The following STAU2 variants were observed in gnomAD, a reference collection of about 807,000 sequenced individuals.
STAU2 encodes the protein staufen double-stranded RNA binding protein 2.
A neutral mutation model predicts 65.9 loss-of-function variants in STAU2; 20 were observed. The observed-to-expected ratio is 0.30, with a 90% confidence interval of 0.21 to 0.44. The LOEUF (loss-of-function observed/expected upper bound fraction) is 0.44. STAU2 is among the 20% of genes least tolerant of loss of function. The pLI is 1.00. For missense variants in STAU2, 558 were observed against 683.9 expected (o/e 0.82, Z 2.05); for synonymous variants, 232 against 233.9 (o/e 0.99, Z 0.07).
chr8:73,686,136 C>T (rs185751517), intron 5 of STAU2, among the ~76,000 whole-genome samples: 23 of 152,248 alleles, frequency 1.5e-4, no homozygotes, highest in Non-Finnish European at 2.1e-4. Flanking sequence ...TACAATGGGC[C>T]GGGCGCGGTG....
chr8:73,673,450 T>C (rs1236553968), intron 5 of STAU2, among the ~76,000 whole-genome samples: 3 of 152,262 alleles, frequency 2.0e-5, no homozygotes, highest in African/African-American at 7.2e-5. Context: ...ATGTTTTCTG[T>C]ACATTAATGA....
At chr8:73,644,156 A>G (rs6991064) in intron 6 of STAU2, among the ~76,000 whole-genome samples, 2,295 of 152,340 alleles carry the variant, frequency 0.015, 51 homozygotes, top group African/African-American at 0.05. Flanking sequence ...ATCTCCAAAC[A>G]CTTGGAAACT....
rs544865011 is a variant in STAU2, at chr8:73,740,327, A to C, written c.-196-459T>G. Among the ~76,000 whole-genome samples, 8 of 152,342 alleles carry C rather than the reference A, an allele frequency of 5.3e-5. No individual in the cohort carries two copies. The South Asian group carries it at 1.7e-3, about 32-fold the overall frequency. On this transcript the variant is annotated intron_variant, in intron 1 of 14. Coordinates refer to ENST00000524300, the MANE Select transcript of STAU2 (RefSeq NM_001164380.2). ...ACAATAAATAAGACTATCCTGTCCA[A>C]CTCTATAATTCAATATTCCCATGGT...
chr8:73,687,804 C>T lies in STAU2; in HGVS notation c.274+850G>A, dbSNP rs373203167. ...TTGGCTCACTGCAACCTCTGCCTCCCGGGTTCACGCCATTCTCCTGCCTCG... is the reference window on the plus strand; with the variant it reads ...TTGGCTCACTGCAACCTCTGCCTCCTGGGTTCACGCCATTCTCCTGCCTCG... On this transcript the variant is annotated intron_variant, in intron 5 of 14. Coordinates refer to ENST00000524300, the MANE Select transcript of STAU2 (RefSeq NM_001164380.2). Among the ~76,000 whole-genome samples the T allele has an allele frequency of 8.9e-4, 135 of 151,936 alleles. No homozygotes were observed. In the East Asian group the frequency reaches 0.011, roughly 13 times the overall value.
At chr8:73,662,491 G>A (rs77565873) in intron 6 of STAU2, among the ~76,000 whole-genome samples, 28,866 of 151,986 alleles carry the variant, frequency 0.19, 2,944 homozygotes, top group East Asian at 0.36. Context: ...TATTTCCAAA[G>A]TAGCAAAGTA....
In STAU2 at chr8:73,420,837, T is replaced by C. The variant is rs1816333250; in HGVS notation, c.*535A>G. 6.4e-6 allele frequency: 1 copy of C among 155,368 alleles called. No homozygotes were observed. Among genetic ancestry groups the C allele is most frequent in the Non-Finnish European group, 1.4e-5 (1 of 70,074 alleles). The allele number at this position is 155,368 out of a possible 1,614,324, so 9.6% of individuals were successfully genotyped here. A position where few individuals can be genotyped will look rare whatever the true frequency, so the allele number is the denominator to read the frequency against. On this transcript the variant is annotated 3_prime_UTR_variant, in exon 15 of 15. Coordinates refer to ENST00000524300, the MANE Select transcript of STAU2 (RefSeq NM_001164380.2). The stretch of plus-strand genomic sequence containing the variant: ...TTGTAGTGCACCTTATAGTTATTCC[T>C]ACTGATATAGGATGAAGATTATAAA...
At chr8:73,429,361 C>A (rs1302922729) in intron 13 of STAU2, among the ~76,000 whole-genome samples, 1 of 139,814 alleles carries the variant, frequency 7.2e-6, no homozygotes, top group African/African-American at 2.6e-5. Context: ...GGTCACACAG[C>A]TAATAAGTGG....
At position 73,552,638 on chromosome 8, in the gene STAU2, T is replaced by A. The variant is rs371129011; in HGVS notation, c.1223-319A>T. On this transcript the variant is annotated intron_variant, in intron 12 of 14. Coordinates refer to ENST00000524300, the MANE Select transcript of STAU2 (RefSeq NM_001164380.2). ...GTATAATGGGGCAGAAAATCAGGAA[T>A]GTGCAGTGTCTTCACCCTGCAATTT... Among the ~76,000 whole-genome samples, 8 of 152,276 alleles carry A rather than the reference T, an allele frequency of 5.3e-5. No individual in the cohort carries two copies. The East Asian group carries it at 1.3e-3, about 26-fold the overall frequency.
chr8:73,551,133 GATTTT>G (rs936910227), intron 13 of STAU2: 3 of 987,402 alleles, frequency 3.0e-6, no homozygotes, highest in Non-Finnish European at 3.6e-6. Flanking sequence ...TTCAGTACAT[GATTTT>G]CAAGGCAACT....
chr8:73,641,159 G>A (rs1814933053), intron 6 of STAU2, among the ~76,000 whole-genome samples: 1 of 152,072 alleles, frequency 6.6e-6, no homozygotes, highest in African/African-American at 2.4e-5. Flanking sequence ...TGGAGCCTGG[G>A]TGACATGGTG....
chr8:73,442,563 G>T (rs1465115961), intron 13 of STAU2, among the ~76,000 whole-genome samples: 3 of 152,136 alleles, frequency 2.0e-5, no homozygotes, highest in African/African-American at 7.2e-5. Context: ...AAGAAATTTA[G>T]TATACTCATG....
chr8:73,655,763 C>T (rs1193223581), intron 6 of STAU2, among the ~76,000 whole-genome samples: 1 of 151,072 alleles, frequency 6.6e-6, no homozygotes. Flanking sequence ...ATTCTCCTGC[C>T]TCAGCCTCCC....
rs57761513 is a variant in STAU2, at chr8:73,738,904, TTC to T, written c.-83-557_-83-556del. Among the ~76,000 whole-genome samples, 4 of 152,332 alleles carry T rather than the reference TTC, an allele frequency of 2.6e-5. No individual in the cohort carries two copies. In the East Asian group the frequency reaches 5.8e-4, roughly 22 times the overall value. On this transcript the variant is annotated intron_variant, in intron 2 of 14. Transcript: ENST00000524300. ...AATTATCTTGCTGAATAGTTTCTTT[TTC>T]TCTGTCATTTTGTCTGTTATCATCA...
chr8:73,449,509 C>A (rs979636597), intron 13 of STAU2, among the ~76,000 whole-genome samples: 4 of 152,220 alleles, frequency 2.6e-5, no homozygotes, highest in South Asian at 2.1e-4. Context: ...GTTAGGGCTT[C>A]AACGGATGAA....
chr8:73,522,782 T>G (rs1194438191), intron 13 of STAU2, among the ~76,000 whole-genome samples: 1 of 152,212 alleles, frequency 6.6e-6, no homozygotes, highest in Non-Finnish European at 1.5e-5. Context: ...CCAGCCTGAA[T>G]GACTGCCCAC....
At chr8:73,735,266 T>C (rs927867237) in intron 3 of STAU2, among the ~76,000 whole-genome samples, 1 of 152,184 alleles carries the variant, frequency 6.6e-6, no homozygotes, top group Non-Finnish European at 1.5e-5. Context: ...CTCACTGTTA[T>C]GAGAAAGTGG....
Position 73,698,246 on chromosome 8 carries a change from G to C in STAU2, c.115-9433C>G, listed in dbSNP as rs1050117989. ...AGGAAGACAGGAAGAAAGGAAAGAA[G>C]GAAGAAAAGACTGAAAACCACCAGA... On this transcript the variant is annotated intron_variant, in intron 4 of 14. Coordinates refer to ENST00000524300, the MANE Select transcript of STAU2 (RefSeq NM_001164380.2). Among the ~76,000 whole-genome samples the C allele has an allele frequency of 7.0e-4, 107 of 151,976 alleles. 7 individuals carry two copies. The highest frequency in any genetic ancestry group is 5.9e-5 in the Non-Finnish European group (4 of 67,980).
At chr8:73,706,194 G>A (rs1820490692) in intron 4 of STAU2, among the ~76,000 whole-genome samples, 1 of 151,988 alleles carries the variant, frequency 6.6e-6, no homozygotes, top group African/African-American at 2.4e-5. Context: ...TTGGCTCACT[G>A]CAACCTCTAC....
chr8:73,433,983 A>G (rs1817513048), intron 13 of STAU2, among the ~76,000 whole-genome samples: 1 of 151,744 alleles, frequency 6.6e-6, no homozygotes, highest in East Asian at 1.9e-4. Flanking sequence ...CTGTGAACAC[A>G]TTACTTCCCA....
Sources: allele counts gnomAD v4.1 joint callset (sites outside exome capture counted in the v4.1 genomes callset), GRCh38; gene constraint gnomAD v4.1.1; transcripts MANE v1.5; gene names NCBI Gene and HGNC (gene_info 2026-07-23, HGNC 2026-07-21).